The following IQSEC2 variants were observed in gnomAD, a reference collection of about 807,000 sequenced individuals.
The protein encoded by IQSEC2 is IQ motif and Sec7 domain ArfGEF 2.
In IQSEC2, 6 loss-of-function variants were observed where a neutral mutation model predicts 74.6. The ratio of observed to expected loss-of-function variants is 0.08; its 90% confidence interval spans 0.04 to 0.16. The LOEUF (loss-of-function observed/expected upper bound fraction) is 0.16, where lower values mean the gene tolerates loss of function less well. Ranked by LOEUF, IQSEC2 falls within the 10% of genes least tolerant of loss-of-function variation. IQSEC2 has a pLI of 1.00. For missense variants in IQSEC2, 734 were observed against 1,306.2 expected (o/e 0.56, Z 6.75); for synonymous variants, 494 against 544.5 (o/e 0.91, Z 1.29).
chrX:53,246,166 A>G (rs1450851094), intron 8 of IQSEC2, among the ~76,000 whole-genome samples: 1 of 111,674 alleles, frequency 9.0e-6, no homozygotes, highest in African/African-American at 3.3e-5. Context: ...CCAGCCCTCA[A>G]TTGTTCCCTA....
intron 2 of IQSEC2, among the ~76,000 whole-genome samples, chrX:53,278,104 G>A (rs1364495074): frequency 7.1e-5 from 7 of 98,422 alleles, no homozygotes; most frequent in Admixed American, 1.1e-4. Context: ...TCCGCCTCCC[G>A]GGTTCAAGCC....
downstream of IQSEC2, chrX:53,227,830 C>T (rs1184952067): frequency 5.8e-6 from 1 of 172,709 alleles, no homozygotes; most frequent in African/African-American, 3.0e-5. Flanking sequence ...CTTCCTACAG[C>T]CTTCTTTGAG....
chrX:53,281,468 G>A (rs782174152), intron 2 of IQSEC2: 64 of 918,326 alleles, frequency 7.0e-5, no homozygotes, highest in Non-Finnish European at 9.7e-5. Context: ...GAAGGGAGGG[G>A]GCCAGGCTGC....
chrX:53,297,789 A>C (rs1362773322), intron 1 of IQSEC2, among the ~76,000 whole-genome samples: 1 of 111,372 alleles, frequency 9.0e-6, no homozygotes, highest in African/African-American at 3.3e-5. Flanking sequence ...TTCCTGCTGC[A>C]ATCTAGGCTG....
rs782651121 is a variant in IQSEC2, at chrX:53,243,396, C to T, written c.2825G>A (p.Arg942Gln). 4.3e-6 allele frequency: 5 copies of T among 1,166,170 alleles called. No individual in the cohort carries two copies. The highest frequency in any genetic ancestry group is 3.2e-5 in the East Asian group (1 of 30,808). ...IYQRIQGREL[R>Q]TNDDHVSQVQ... is the part of the protein sequence containing the mutation. ...CTGGGACACATGGTCATCGTTGGTC[C>T]GCAGTTCACGCCCCTGGATGCGCTG... The change falls in exon 9 of 15, where the codon CGG becomes CAG. Residue 942 changes from arginine to glutamine, a missense_variant. Around this residue, in one of 12 missense-constraint regions of IQSEC2, gnomAD observed 249 missense variants for 467.9 expected, o/e 0.53. Coordinates refer to ENST00000642864, the MANE Select transcript of IQSEC2 (RefSeq NM_001111125.3).
chrX:53,252,538 C>T (rs781793266), intron 4 of IQSEC2, among the ~76,000 whole-genome samples: 1 of 111,421 alleles, frequency 9.0e-6, no homozygotes, highest in South Asian at 3.8e-4. Context: ...ACGAACAGTC[C>T]TATGGAGAGG....
At chrX:53,266,217 C>T (rs1455836862) in intron 2 of IQSEC2, 1 of 240,321 alleles carries the variant, frequency 4.2e-6, no homozygotes, top group Non-Finnish European at 5.8e-6. Context: ...GAATCAAACC[C>T]TACTCTCTTT....
At chrX:53,241,481 A>T (rs1229438125) in intron 10 of IQSEC2, among the ~76,000 whole-genome samples, 1 of 110,668 alleles carries the variant, frequency 9.0e-6, no homozygotes, top group Admixed American at 9.6e-5. Context: ...TCTTCACACA[A>T]CCCTATGGGC....
chrX:53,302,466 A>G (rs1354314091), intron 1 of IQSEC2, among the ~76,000 whole-genome samples: 1 of 111,800 alleles, frequency 8.9e-6, no homozygotes, highest in African/African-American at 3.3e-5. Flanking sequence ...AGAGAGAAAT[A>G]AGTTTCTAGG....
intron 2 of IQSEC2, among the ~76,000 whole-genome samples, chrX:53,273,665 C>T (rs1005860586): frequency 8.9e-6 from 1 of 112,062 alleles, no homozygotes; most frequent in South Asian, 3.7e-4. Flanking sequence ...TGGGGGTTTT[C>T]TTTTCCTTAC....
At chrX:53,253,385 A>G (rs1473347823) in intron 4 of IQSEC2, among the ~76,000 whole-genome samples, 1 of 112,074 alleles carries the variant, frequency 8.9e-6, no homozygotes, top group Non-Finnish European at 1.9e-5. Flanking sequence ...AAGGCCACAC[A>G]GTTGGGAAAT....
At chrX:53,266,032 G>A (rs2074650891) in intron 2 of IQSEC2, among the ~76,000 whole-genome samples, 1 of 112,123 alleles carries the variant, frequency 8.9e-6, no homozygotes, top group Non-Finnish European at 1.9e-5. Context: ...TAAAACTGTA[G>A]CATCTCAGAT....
chrX:53,267,767 G>A (rs191548663), intron 2 of IQSEC2, among the ~76,000 whole-genome samples: 3 of 111,872 alleles, frequency 2.7e-5, no homozygotes, highest in Non-Finnish European at 3.8e-5. Context: ...GCCCTTGAGC[G>A]CATTATTGTC....
chrX:53,268,178 T>C (rs1313758506), intron 2 of IQSEC2, among the ~76,000 whole-genome samples: 1 of 111,293 alleles, frequency 9.0e-6, no homozygotes, highest in African/African-American at 3.3e-5. Flanking sequence ...AGGAAACAGT[T>C]ACCCTCATTC....
chrX:53,246,440 A>C (rs782536738), intron 8 of IQSEC2, among the ~76,000 whole-genome samples: 2 of 111,874 alleles, frequency 1.8e-5, no homozygotes, highest in South Asian at 7.4e-4. Flanking sequence ...ACACACAGGG[A>C]GCTCTCTCAG....
intron 2 of IQSEC2, among the ~76,000 whole-genome samples, chrX:53,275,259 G>A (rs1412484519): frequency 3.6e-5 from 4 of 110,301 alleles, no homozygotes; most frequent in Admixed American, 1.9e-4. Flanking sequence ...TCCACCTCCC[G>A]GGTTTAAGCA....
At chrX:53,242,841 T>A (rs782077747) in intron 9 of IQSEC2, among the ~76,000 whole-genome samples, 1 of 111,893 alleles carries the variant, frequency 8.9e-6, no homozygotes, top group South Asian at 3.8e-4. Flanking sequence ...GTTCAAGCAA[T>A]TCTCCTGCCT....
intron 2 of IQSEC2, among the ~76,000 whole-genome samples, chrX:53,283,908 G>A (rs1322638608): frequency 1.8e-5 from 2 of 112,138 alleles, no homozygotes; most frequent in Non-Finnish European, 3.8e-5. Flanking sequence ...GGCAGGAGGA[G>A]AGCATTCCAG....
At chrX:53,292,600 C>T (rs1233111594) in intron 1 of IQSEC2, among the ~76,000 whole-genome samples, 1 of 111,934 alleles carries the variant, frequency 8.9e-6, no homozygotes, top group Non-Finnish European at 1.9e-5. Context: ...CTACACTGGT[C>T]TGCCGTTTTC....
Sources: allele counts gnomAD v4.1 joint callset (sites outside exome capture counted in the v4.1 genomes callset), GRCh38; gene constraint gnomAD v4.1.1; regional missense constraint gnomAD v4.1.1; transcripts MANE v1.5; gene names NCBI Gene and HGNC (gene_info 2026-07-23, HGNC 2026-07-21).